Variants in PEX3 observed in about 807,000 individuals in gnomAD.
PEX3 encodes the protein peroxin-3.
Under a neutral mutation model 55.8 loss-of-function variants are expected in PEX3, and 30 were observed. The ratio of observed to expected loss-of-function variants is 0.54; its 90% CI spans 0.40 to 0.73. The LOEUF is 0.73. Ranked by LOEUF, PEX3 falls within the 30% of genes least tolerant of loss-of-function variation. The probability of loss-of-function intolerance (pLI) is 0.00; values close to 1 mark genes in which losing one functional copy is unlikely to be tolerated. For missense variants in PEX3, 351 were observed against 432.8 expected, an observed-to-expected ratio of 0.81 and a Z score of 1.68; for synonymous variants, 135 against 148.4, an observed-to-expected ratio of 0.91 and a Z score of 0.66.
intron 4 of PEX3, among the ~76,000 whole-genome samples, chr6:143,468,820 ACGACAGGCCCCAGTGT>A (rs1780030363): frequency 6.2e-5 from 3 of 48,034 alleles, no homozygotes; most frequent in Non-Finnish European, 1.2e-4. Context: ...CCCCCACCCC[ACGACAGGCCCCAGTGT>A]CGACAGGCCC....
chr6:143,460,361 G>A (rs1459026658), intron 2 of PEX3, among the ~76,000 whole-genome samples: 1 of 152,166 alleles, frequency 6.6e-6, no homozygotes, highest in Non-Finnish European at 1.5e-5. Flanking sequence ...AATTCTGAGA[G>A]TAAAATGAAC....
chr6:143,478,172 G>T (rs891369070), intron 9 of PEX3, among the ~76,000 whole-genome samples: 1 of 152,074 alleles, frequency 6.6e-6, no homozygotes, highest in African/African-American at 2.4e-5. Context: ...AGACACAAAA[G>T]ACCACATATG....
chr6:143,450,923 G>A lies in PEX3; in HGVS notation c.-120G>A. 3 of 857,064 alleles carry A rather than the reference G, an allele frequency of 3.5e-6. No homozygotes were observed. The South Asian group carries it at 4.0e-5, about 11-fold the overall frequency. 53.1% of individuals were successfully genotyped at this position (857,064 alleles called of 1,614,324 possible). A position where few individuals can be genotyped will look rare whatever the true frequency, so the allele number is the denominator to read the frequency against. On this transcript the variant is annotated 5_prime_UTR_variant, in exon 1 of 12. Transcript: ENST00000367591. ...CGGAAAGTCACGTTTGTGATTTCGG[G>A]AGAGCACAGAACGGGACGACGGCGC...
In PEX3 at chr6:143,485,059, T is replaced by G. The variant is rs1008610254; in HGVS notation, c.942-93T>G. On this transcript the variant is annotated intron_variant, in intron 10 of 11. Coordinates refer to ENST00000367591, the MANE Select transcript of PEX3 (RefSeq NM_003630.3). The surrounding 1 kb of genome is among the most constrained non-coding windows in gnomAD (Gnocchi z 5.6). The stretch of plus-strand genomic sequence containing the variant: ...CCTTTTTAATAGATTTCCAAAAATA[T>G]TCTACAATGGCTATGTATTACTTTT... 1.3e-6 allele frequency: 1 copy of G among 776,116 alleles called. No individual in the cohort carries two copies. Among genetic ancestry groups the G allele is most frequent in the Non-Finnish European group, 2.3e-6 (1 of 435,134 alleles). 48.1% of individuals were successfully genotyped at this position (776,116 alleles called of 1,614,324 possible). A position where few individuals can be genotyped will look rare whatever the true frequency, so the allele number is the denominator to read the frequency against.
chr6:143,467,598 A>G (rs1433061035), intron 3 of PEX3, among the ~76,000 whole-genome samples: 1 of 152,136 alleles, frequency 6.6e-6, no homozygotes, highest in Non-Finnish European at 1.5e-5. Context: ...TAGATACTAT[A>G]AAAGACTAAT....
In PEX3 at chr6:143,488,667, G is replaced by T. The variant is rs1270875310; in HGVS notation, c.1039-476G>T. On this transcript the variant is annotated intron_variant, in intron 11 of 11. Transcript: ENST00000367591. This position sits in a 1 kb window ranked among gnomAD's most constrained non-coding sequence, Gnocchi z 4.9. ...ATCTTCACATTCGCAAATCCCTTGG[G>T]GTGTTAATAACCCTTACACTATAGT... Among the ~76,000 whole-genome samples, 1 of 151,944 alleles carries T rather than the reference G, an allele frequency of 6.6e-6. No individual in the cohort carries two copies. The highest frequency in any genetic ancestry group is 1.5e-5 in the Non-Finnish European group (1 of 67,950).
rs1780257389 is a variant in PEX3, at chr6:143,482,656, A to T, written c.942-2496A>T. On this transcript the variant is annotated intron_variant, in intron 10 of 11. Transcript: ENST00000367591. This position sits in a 1 kb window ranked among gnomAD's most constrained non-coding sequence, Gnocchi z 5.5. The stretch of plus-strand genomic sequence containing the variant: ...GTATAATTATTGTTACTCATAAAAT[A>T]ATAGGTAAGTCAGTGAAATAGAATG... Among the ~76,000 whole-genome samples the T allele has an allele frequency of 6.6e-6, 1 of 151,990 alleles. No individual in the cohort carries two copies. Among genetic ancestry groups the T allele is most frequent in the Non-Finnish European group, 1.5e-5 (1 of 67,926 alleles).
rs1450872661 is a variant in PEX3, at chr6:143,486,051, C to T, written c.1038+803C>T. ...TCTGTAGACTTTTTACTCTTGGGAA[C>T]GTGGAGAGCACTGAGACTAAGAGTT... On this transcript the variant is annotated intron_variant, in intron 11 of 11. Coordinates refer to ENST00000367591, the MANE Select transcript of PEX3 (RefSeq NM_003630.3). The surrounding 1 kb of genome is among the most constrained non-coding windows in gnomAD (Gnocchi z 5.0). Among the ~76,000 whole-genome samples, 6 of 152,090 alleles carry T rather than the reference C, an allele frequency of 3.9e-5. No individual in the cohort carries two copies. The highest frequency in any genetic ancestry group is 7.2e-5 in the African/African-American group (3 of 41,426).
intron 10 of PEX3, among the ~76,000 whole-genome samples, chr6:143,481,988 A>T (rs1242995010): frequency 6.6e-6 from 1 of 152,188 alleles, no homozygotes; most frequent in Non-Finnish European, 1.5e-5. Context: ...ATATAAAAAA[A>T]GAGTATTTGA....
At position 143,462,630 on chromosome 6, in the gene PEX3, G is replaced by A. The variant is rs973433817; in HGVS notation, c.206-286G>A. 2.0e-5 allele frequency among the ~76,000 whole-genome samples: 3 copies of A among 152,136 alleles called. No homozygotes were observed. The highest frequency in any genetic ancestry group is 4.8e-5 in the African/African-American group (2 of 41,444). On this transcript the variant is annotated intron_variant, in intron 2 of 11. Coordinates refer to ENST00000367591, the MANE Select transcript of PEX3 (RefSeq NM_003630.3). This position sits in a 1 kb window ranked among gnomAD's most constrained non-coding sequence, Gnocchi z 4.1. ...AATCCATAGCTCAAAGACCACCACTGTTAAAATCTGAGAATAATTCTTTCT... is the reference window on the plus strand; with the variant it reads ...AATCCATAGCTCAAAGACCACCACTATTAAAATCTGAGAATAATTCTTTCT...
intron 8 of PEX3, among the ~76,000 whole-genome samples, chr6:143,473,114 CT>C (rs1418935252): frequency 6.6e-6 from 1 of 152,156 alleles, no homozygotes; most frequent in African/African-American, 2.4e-5. Context: ...GAGAGGCCCC[CT>C]ATGCCATACC....
At position 143,471,625 on chromosome 6, in the gene PEX3, C is replaced by T. The variant is rs749834871; in HGVS notation, c.578+14C>T. On this transcript the variant is annotated intron_variant, in intron 7 of 11. Coordinates refer to ENST00000367591, the MANE Select transcript of PEX3 (RefSeq NM_003630.3). The surrounding 1 kb of genome is among the most constrained non-coding windows in gnomAD (Gnocchi z 5.4). ...GGTTTTAGGAAGGTAAGGCATTTTT[C>T]TTTGACTTTTCTGACTTCTTGATTC... 2 of 1,597,832 alleles carry T rather than the reference C, an allele frequency of 1.3e-6. No homozygotes were observed. Among genetic ancestry groups the T allele is most frequent in the Admixed American group, 1.7e-5 (1 of 59,934 alleles).
Position 143,463,109 on chromosome 6 carries a change from A to G in PEX3, c.287+112A>G. On this transcript the variant is annotated intron_variant, in intron 3 of 11. Coordinates refer to ENST00000367591, the MANE Select transcript of PEX3 (RefSeq NM_003630.3). This position sits in a 1 kb window ranked among gnomAD's most constrained non-coding sequence, Gnocchi z 5.7. ...ATTTTTCTATCTAATGAAAGTTTATATAGGCTCAGTAAGAAAAATACTAAC... is the reference window on the plus strand; with the variant it reads ...ATTTTTCTATCTAATGAAAGTTTATGTAGGCTCAGTAAGAAAAATACTAAC... The G allele has an allele frequency of 2.6e-6, 2 of 773,798 alleles. No homozygotes were observed. Among genetic ancestry groups the G allele is most frequent in the East Asian group, 2.7e-5 (1 of 37,282 alleles). 47.9% of individuals were successfully genotyped at this position (773,798 alleles called of 1,614,324 possible).
At chr6:143,469,743 T>G (rs1562654094) in intron 4 of PEX3, among the ~76,000 whole-genome samples, 1 of 152,214 alleles carries the variant, frequency 6.6e-6, no homozygotes, top group African/African-American at 2.4e-5. Context: ...AGTCATGAAG[T>G]CCTTGCCCAT....
intron 2 of PEX3, among the ~76,000 whole-genome samples, chr6:143,461,753 C>T (rs1274553315): frequency 6.6e-6 from 1 of 152,084 alleles, no homozygotes; most frequent in African/African-American, 2.4e-5. Flanking sequence ...TCAAGACAAG[C>T]TTGAGCAACA....
chr6:143,477,548 G>A (rs1444203506), intron 9 of PEX3, among the ~76,000 whole-genome samples: 1 of 152,150 alleles, frequency 6.6e-6, no homozygotes, highest in Non-Finnish European at 1.5e-5. Flanking sequence ...TCAGATGCAT[G>A]TAAGTGGGTA....
At chr6:143,478,898 T>C (rs941695434) in intron 9 of PEX3, among the ~76,000 whole-genome samples, 178 bp from the exon 10 acceptor site, 1 of 152,132 alleles carries the variant, frequency 6.6e-6, no homozygotes, top group African/African-American at 2.4e-5. Flanking sequence ...CTCATTATGT[T>C]GTGCTAAATA....
chr6:143,470,935 C>T, intron 4 of PEX3, 26 bp from the exon 5 acceptor site: 2 of 1,602,654 alleles, frequency 1.2e-6, no homozygotes, highest in Non-Finnish European at 1.7e-6. Context: ...ATCACAGTAC[C>T]AAATGCTTTT....
chr6:143,481,907 A>T (rs1780246783), intron 10 of PEX3, among the ~76,000 whole-genome samples: 1 of 151,998 alleles, frequency 6.6e-6, no homozygotes, highest in South Asian at 2.1e-4. Context: ...GTTCAAGGCC[A>T]CAGTGAGCTA....
Sources: gnomAD v4.1 joint callset for allele counts (sites outside exome capture counted in the v4.1 genomes callset) on GRCh38, gnomAD v4.1.1 for gene constraint, Gnocchi (gnomAD v3.1) non-coding constraint, MANE v1.5 for transcripts, NCBI Gene and HGNC (gene_info 2026-07-23, HGNC 2026-07-21) for gene names.